The following GK2 variants were observed in gnomAD, a reference collection of about 807,000 sequenced individuals.
GK2 encodes the protein glycerol kinase 2, also known as ATP:glycerol 3-phosphotransferase 2.
In GK2, 10 loss-of-function variants were observed where a neutral mutation model predicts 9.5. The ratio of observed to expected loss-of-function variants is 1.05; its 90% CI spans 0.65 to 1.78. GK2 has a LOEUF of 1.78. Ranked by LOEUF, GK2 falls within the 40% of genes most tolerant of loss-of-function variation. The probability of loss-of-function intolerance (pLI) is 0.00; values close to 1 mark genes in which losing one functional copy is unlikely to be tolerated. For missense variants in GK2, 643 were observed against 669.0 expected (o/e 0.96, Z 0.43); for synonymous variants, 228 against 229.9 (o/e 0.99, Z 0.07).
In GK2 at chr4:79,407,449, A is replaced by G; in HGVS notation, c.752T>C (p.Val251Ala). ...GTCCCCCAAACACCCAGATATTGGC[A>G]CACCTTCCAGGGCTCCAGTTTTAAT... ...GLIKTGALEG[V>A]PISGCLGDQC... The change falls in exon 1 of 1, where the codon GTG becomes GCG. Residue 251 changes from valine to alanine, a missense_variant. Transcript: ENST00000358842. The G allele has an allele frequency of 6.2e-7, 1 of 1,614,166 alleles. No homozygotes were observed. The highest frequency in any genetic ancestry group is 8.5e-7 in the Non-Finnish European group (1 of 1,180,030).
In GK2 at chr4:79,407,093, G is replaced by A. The variant is rs1725871161; in HGVS notation, c.1108C>T (p.Pro370Ser). 1.2e-6 allele frequency: 2 copies of A among 1,614,086 alleles called. No individual in the cohort carries two copies. Among genetic ancestry groups the A allele is most frequent in the Non-Finnish European group, 1.7e-6 (2 of 1,179,996 alleles). The change falls in exon 1 of 1, where the codon CCT becomes TCT. Residue 370 changes from proline to serine, a missense_variant. Coordinates refer to ENST00000358842, the MANE Select transcript of GK2 (RefSeq NM_033214.3). Reference protein sequence around the residue: ...FVPAFSGLYAPYWEPSARGIL... With the variant: ...FVPAFSGLYASYWEPSARGIL... ...CCTCTTGCACTGGGCTCCCAATAAG[G>A]TGCATATAACCCTGAAAAGGCTGGG...
chr4:79,407,982 C>G lies in GK2; in HGVS notation c.219G>C (p.Glu73Asp), dbSNP rs1725892909. The G allele has an allele frequency of 6.2e-7, 1 of 1,614,032 alleles. No individual in the cohort carries two copies. Among genetic ancestry groups the G allele is most frequent in the Non-Finnish European group, 8.5e-7 (1 of 1,179,984 alleles). The change falls in exon 1 of 1, where the codon GAG becomes GAC. Residue 73 changes from glutamate (E) to aspartate (D), a missense_variant. Physicochemically the swap from Glu to Asp is conservative, Grantham distance 45 (BLOSUM62 2). Transcript: ENST00000358842. ...SVYECIARTC[E>D]KLDELNIDIS... Reference sequence around the variant, plus strand: ...TATCAATATTCAGTTCGTCAAGTTTCTCACACGTTCTCGCTATACACTCGT... The same window carrying G: ...TATCAATATTCAGTTCGTCAAGTTTGTCACACGTTCTCGCTATACACTCGT...
Position 79,408,130 on chromosome 4 carries a change from C to T in GK2, c.71G>A (p.Arg24His), listed in dbSNP as rs753000679. 1.9e-6 allele frequency: 3 copies of T among 1,613,734 alleles called. No homozygotes were observed. The highest frequency in any genetic ancestry group is 1.7e-5 in the Admixed American group (1 of 60,010). ...TGTTTTTGAATTGAAAACCAGAAAG[C>T]GAGTGGAGTTGGTGCCCTGGACCAC... ...GAVVQGTNST[R>H]FLVFNSKTAE... is the part of the protein sequence containing the mutation. Residue 24 changes from arginine (R) to histidine (H), a missense_variant, in exon 1 of 1, where the codon CGC (arginine) becomes CAC (histidine). Physicochemically the swap from Arg to His is conservative, Grantham distance 29. Transcript: ENST00000358842.
Position 79,408,102 on chromosome 4 carries a change from C to G in GK2, c.99G>C (p.Ala33=), listed in dbSNP as rs146763439. 1 of 1,614,046 alleles carries G rather than the reference C, an allele frequency of 6.2e-7. No individual in the cohort carries two copies. The highest frequency in any genetic ancestry group is 8.5e-7 in the Non-Finnish European group (1 of 1,180,012). Residue 33 remains alanine, a synonymous_variant, in exon 1 of 1, where the codon GCG becomes GCC. Coordinates refer to ENST00000358842, the MANE Select transcript of GK2 (RefSeq NM_033214.3). ...TRFLVFNSKT[A]ELLSHHKVEL... is the part of the protein sequence containing the mutation. ...CCACTTTGTGATGACTAAGTAGTTC[C>G]GCTGTTTTTGAATTGAAAACCAGAA...
chr4:79,407,788 T>C lies in GK2; in HGVS notation c.413A>G (p.Lys138Arg), dbSNP rs746645997. The C allele has an allele frequency of 1.5e-5, 25 of 1,614,192 alleles. No individual in the cohort carries two copies. Among genetic ancestry groups the C allele is most frequent in the Non-Finnish European group, 2.1e-5 (25 of 1,180,030 alleles). The change falls in exon 1 of 1, where the codon AAG becomes AGG. Residue 138 changes from lysine to arginine, a missense_variant. Lys to Arg is a conservative substitution (Grantham distance 26, BLOSUM62 2). Coordinates refer to ENST00000358842, the MANE Select transcript of GK2 (RefSeq NM_033214.3). ...GCTGAGTGGAAGGCCTGTCTTAGAC[T>C]TGACGAAGTTACTATTTCCTGGAAT... ...KKIPGNSNFV[K>R]SKTGLPLSTY...
chr4:79,406,847 G>T lies in GK2; in HGVS notation c.1354C>A (p.Pro452Thr), dbSNP rs1239771243. Residue 452 changes from proline to threonine, a missense_variant, in exon 1 of 1, where the codon CCT becomes ACT. Physicochemically the swap from Pro to Thr is conservative, Grantham distance 38. Coordinates refer to ENST00000358842, the MANE Select transcript of GK2 (RefSeq NM_033214.3). The stretch of plus-strand genomic sequence containing the variant: ...GCAGCTCCTAGTGCAGTTGTTTCAG[G>T]CATAAAGGGTTTTATTACTGGAATA... The part of the protein sequence containing the change: ...LHIPVIKPFM[P>T]ETTALGAAMA... 1.9e-6 allele frequency: 3 copies of T among 1,614,094 alleles called. No individual in the cohort carries two copies. In the Admixed American group the frequency reaches 5.0e-5, roughly 27 times the overall value.
rs1246408118 is a variant in GK2, at chr4:79,406,410, G to A, written c.*129C>T. 1 of 595,412 alleles carries A rather than the reference G, an allele frequency of 1.7e-6. No individual in the cohort carries two copies. Among genetic ancestry groups the A allele is most frequent in the South Asian group, 2.4e-5 (1 of 41,690 alleles). The allele number at this position is 595,412 out of a possible 1,614,324, so 36.9% of individuals were successfully genotyped here. A position where few individuals can be genotyped will look rare whatever the true frequency, so the allele number is the denominator to read the frequency against. ...CAGGTCACAAGTCTAGGGTTTTCAT[G>A]GGTCATGTAGCAAGTGGTTTATAAA... On this transcript the variant is annotated 3_prime_UTR_variant, in exon 1 of 1. Coordinates refer to ENST00000358842, the MANE Select transcript of GK2 (RefSeq NM_033214.3).
rs759346281 is a variant in GK2 at position 79,407,989 on chromosome 4, G to T, written c.212C>A (p.Thr71Lys). ...LQSVYECIAR[T>K]CEKLDELNID... ...ATTCAGTTCGTCAAGTTTCTCACACGTTCTCGCTATACACTCGTAGACAGA... is the reference window on the plus strand; with the variant it reads ...ATTCAGTTCGTCAAGTTTCTCACACTTTCTCGCTATACACTCGTAGACAGA... Residue 71 changes from threonine to lysine, a missense_variant, in exon 1 of 1, where the codon ACG becomes AAG. By Grantham distance (78) the Thr-to-Lys change is moderately conservative. Coordinates refer to ENST00000358842, the MANE Select transcript of GK2 (RefSeq NM_033214.3). 22 of 1,613,890 alleles carry T rather than the reference G, an allele frequency of 1.4e-5. No homozygotes were observed. In the East Asian group the frequency reaches 4.7e-4, roughly 34 times the overall value.
At position 79,407,278 on chromosome 4, in the gene GK2, A is replaced by G; in HGVS notation, c.923T>C (p.Leu308Pro). 6.2e-7 allele frequency: 1 copy of G among 1,614,192 alleles called. No homozygotes were observed. Among genetic ancestry groups the G allele is most frequent in the Non-Finnish European group, 8.5e-7 (1 of 1,180,034 alleles). The change falls in exon 1 of 1, where the codon CTA (leucine) becomes CCA (proline). Residue 308 changes from leucine (L) to proline (P), a missense_variant. Leu to Pro is a moderately conservative substitution (Grantham distance 98, BLOSUM62 -3). Transcript: ENST00000358842. Reference sequence around the variant, plus strand: ...ATAATATGCTGGCTTCTCTCTGCCTAGTTTGTAAGCTACTGTGGTCAAAAG... The same window carrying G: ...ATAATATGCTGGCTTCTCTCTGCCTGGTTTGTAAGCTACTGTGGTCAAAAG... Reference protein sequence around the residue: ...HGLLTTVAYKLGREKPAYYAL... With the variant: ...HGLLTTVAYKPGREKPAYYAL...
rs772430102 is a variant in GK2 at position 79,408,035 on chromosome 4, C to T, written c.166G>A (p.Asp56Asn). 2 of 1,614,198 alleles carry T rather than the reference C, an allele frequency of 1.2e-6. No homozygotes were observed. Among genetic ancestry groups the T allele is most frequent in the Non-Finnish European group, 1.7e-6 (2 of 1,180,030 alleles). The part of the protein sequence containing the change: ...EFPKEGWVEQ[D>N]PKEILQSVYE... ...ACAGACTGAAGAATTTCTTTAGGGTCTTGTTCCACCCATCCTTCTTTTGGG... is the reference window on the plus strand; with the variant it reads ...ACAGACTGAAGAATTTCTTTAGGGTTTTGTTCCACCCATCCTTCTTTTGGG... The change falls in exon 1 of 1, where the codon GAC (aspartate) becomes AAC (asparagine). Residue 56 changes from aspartate (D) to asparagine (N), a missense_variant. Transcript: ENST00000358842.
rs764827524 is a variant in GK2 at position 79,407,280 on chromosome 4, T to A, written c.921A>T (p.Lys307Asn). The A allele has an allele frequency of 7.4e-6, 12 of 1,614,220 alleles. No homozygotes were observed. The East Asian group carries it at 2.5e-4, about 33-fold the overall frequency. ...EHGLLTTVAY[K>N]LGREKPAYYA... The stretch of plus-strand genomic sequence containing the variant: ...AATATGCTGGCTTCTCTCTGCCTAG[T>A]TTGTAAGCTACTGTGGTCAAAAGGC... Residue 307 changes from lysine (K) to asparagine (N), a missense_variant, in exon 1 of 1, where the codon AAA (lysine) becomes AAT (asparagine). Physicochemically the swap from Lys to Asn is moderately conservative, Grantham distance 94. Coordinates refer to ENST00000358842, the MANE Select transcript of GK2 (RefSeq NM_033214.3).
At position 79,408,225 on chromosome 4, in the gene GK2, C is replaced by T; in HGVS notation, c.-25G>A. On this transcript the variant is annotated 5_prime_UTR_variant, in exon 1 of 1. Coordinates refer to ENST00000358842, the MANE Select transcript of GK2 (RefSeq NM_033214.3). The stretch of plus-strand genomic sequence containing the variant: ...TGACACCAGTAGGTCGGCTCAGCAG[C>T]TCTGGGACCGTTTCCCAGGCCACGG... 1 of 1,526,152 alleles carries T rather than the reference C, an allele frequency of 6.6e-7. No individual in the cohort carries two copies. Among genetic ancestry groups the T allele is most frequent in the Non-Finnish European group, 8.8e-7 (1 of 1,137,952 alleles). 94.5% of individuals were successfully genotyped at this position (1,526,152 alleles called of 1,614,324 possible).
chr4:79,406,765 A>G lies in GK2; in HGVS notation c.1436T>C (p.Leu479Ser), dbSNP rs1261155392. Residue 479 changes from leucine to serine, a missense_variant, in exon 1 of 1, where the codon TTG becomes TCG. Leu to Ser is a moderately radical substitution (Grantham distance 145). Transcript: ENST00000358842. ...VSVWSLEPQALSVLRMERFEP... is the reference protein window; with the variant it reads ...VSVWSLEPQASSVLRMERFEP... ...AAATCGTTCCATCCTGAGAACTGAC[A>G]AAGCCTGGGGTTCAAGGCTCCAAAC... 1.9e-6 allele frequency: 3 copies of G among 1,614,190 alleles called. No homozygotes were observed. The highest frequency in any genetic ancestry group is 2.5e-6 in the Non-Finnish European group (3 of 1,180,018).
rs199708595 is a variant in GK2, at chr4:79,408,146, C to T, written c.55G>A (p.Gly19Ser). Residue 19 changes from glycine (G) to serine (S), a missense_variant, in exon 1 of 1, where the codon GGC becomes AGC. Gly to Ser is a moderately conservative substitution (Grantham distance 56). Coordinates refer to ENST00000358842, the MANE Select transcript of GK2 (RefSeq NM_033214.3). ...ACCAGAAAGCGAGTGGAGTTGGTGC[C>T]CTGGACCACCGCTCCCACCAACGGC... ...VGPLVGAVVQ[G>S]TNSTRFLVFN... 42 of 1,612,328 alleles carry T rather than the reference C, an allele frequency of 2.6e-5. No homozygotes were observed. The highest frequency in any genetic ancestry group is 1.7e-4 in the Middle Eastern group (1 of 6,058).
At position 79,406,460 on chromosome 4, in the gene GK2, C is replaced by T; in HGVS notation, c.*79G>A. ...ACAAAATCAGAGTCTATAATAGTGT[C>T]ATTATATTAAGAGGCAGAACTGCTA... is the stretch of plus-strand genomic sequence containing the variant. On this transcript the variant is annotated 3_prime_UTR_variant, in exon 1 of 1. Coordinates refer to ENST00000358842, the MANE Select transcript of GK2 (RefSeq NM_033214.3). The T allele has an allele frequency of 1.2e-6, 1 of 830,608 alleles. No individual in the cohort carries two copies. The allele number at this position is 830,608 out of a possible 1,614,324, so 51.5% of individuals were successfully genotyped here.
Position 79,408,018 on chromosome 4 carries a change from A to C in GK2, c.183T>G (p.Leu61=). 3 of 1,614,170 alleles carry C rather than the reference A, an allele frequency of 1.9e-6. No homozygotes were observed. Among genetic ancestry groups the C allele is most frequent in the Non-Finnish European group, 2.5e-6 (3 of 1,180,006 alleles). The part of the protein sequence containing the change: ...GWVEQDPKEI[L]QSVYECIART... ...TCGCTATACACTCGTAGACAGACTG[A>C]AGAATTTCTTTAGGGTCTTGTTCCA... Residue 61 remains leucine (L), a synonymous_variant, in exon 1 of 1, where the codon CTT becomes CTG. Coordinates refer to ENST00000358842, the MANE Select transcript of GK2 (RefSeq NM_033214.3).
Position 79,407,687 on chromosome 4 carries a change from T to C in GK2, c.514A>G (p.Arg172Gly), listed in dbSNP as rs768243730. 1.2e-6 allele frequency: 2 copies of C among 1,611,182 alleles called. No individual in the cohort carries two copies. Among genetic ancestry groups the C allele is most frequent in the Non-Finnish European group, 1.7e-6 (2 of 1,177,238 alleles). ...RNVQKAVEEGRALFGTIDSWL... is the reference protein window; with the variant it reads ...RNVQKAVEEGGALFGTIDSWL... ...GAATCAATGGTACCAAAAAGAGCTC[T>C]ACCTTCTTCAACAGCCTTTTGGACG... is the stretch of plus-strand genomic sequence containing the variant. The change falls in exon 1 of 1, where the codon AGA becomes GGA. Residue 172 changes from arginine to glycine, a missense_variant. Coordinates refer to ENST00000358842, the MANE Select transcript of GK2 (RefSeq NM_033214.3).
At position 79,407,557 on chromosome 4, in the gene GK2, C is replaced by T; in HGVS notation, c.644G>A (p.Trp215Ter). The T allele has an allele frequency of 6.2e-7, 1 of 1,614,170 alleles. No homozygotes were observed. Residue 215 changes from tryptophan (W) to a stop codon, truncating the protein, a stop_gained, in exon 1 of 1, where the codon TGG becomes TAG. Coordinates refer to ENST00000358842, the MANE Select transcript of GK2 (RefSeq NM_033214.3). LOFTEE classifies it high-confidence loss of function. ...TMLFNIHSLE[W>*]DKELCDFFEI... ...AAAAAAGTCACAGAGCTCTTTATCC[C>T]ATTCCAAAGAATGGATATTAAAAAG...
chr4:79,406,865 C>A lies in GK2; in HGVS notation c.1336G>T (p.Val446Leu), dbSNP rs200478638. 2.5e-6 allele frequency: 4 copies of A among 1,614,224 alleles called. No homozygotes were observed. Among genetic ancestry groups the A allele is most frequent in the Non-Finnish European group, 3.4e-6 (4 of 1,180,036 alleles). ...QLQADILHIP[V>L]IKPFMPETTA... ...GTTTCAGGCATAAAGGGTTTTATTACTGGAATATGAAGAATATCTGCTTGT... is the reference window on the plus strand; with the variant it reads ...GTTTCAGGCATAAAGGGTTTTATTAATGGAATATGAAGAATATCTGCTTGT... The change falls in exon 1 of 1, where the codon GTA becomes TTA. Residue 446 changes from valine (V) to leucine (L), a missense_variant. Coordinates refer to ENST00000358842, the MANE Select transcript of GK2 (RefSeq NM_033214.3).
Sources: allele counts gnomAD v4.1 joint callset, GRCh38; gene constraint gnomAD v4.1.1; transcripts MANE v1.5; gene names NCBI Gene and HGNC (gene_info 2026-07-23, HGNC 2026-07-21).